PDZD2: variants seen among roughly 807,000 people sequenced by gnomAD.
PDZD2 encodes the protein PDZ domain containing 2.
Under a neutral mutation model 220.7 loss-of-function variants are expected in PDZD2, and 90 were observed. That is an observed-to-expected ratio of 0.41 (90% confidence interval 0.34 to 0.49). The LOEUF (loss-of-function observed/expected upper bound fraction) is 0.49, where lower values mean the gene tolerates loss of function less well. PDZD2 is among the 20% of genes least tolerant of loss of function. The pLI is 0.28. For synonymous variants in PDZD2, 1,375 were observed against 1,450.5 expected, an observed-to-expected ratio of 0.95 and a Z score of 1.18; for missense variants, 3,174 against 3,608.5, an observed-to-expected ratio of 0.88 and a Z score of 3.08.
chr5:32,040,670 C>T (rs1343221014), intron 7 of PDZD2, among the ~76,000 whole-genome samples: 2 of 144,544 alleles, frequency 1.4e-5, no homozygotes, highest in Non-Finnish European at 3.0e-5. Context: ...TGGCTGCCAC[C>T]CCATCTGGGA....
chr5:31,953,953 A>G (rs1018865688), intron 2 of PDZD2, among the ~76,000 whole-genome samples: 1 of 152,098 alleles, frequency 6.6e-6, no homozygotes, highest in African/African-American at 2.4e-5. Context: ...CTGGCTAAAA[A>G]AATTTGTTTT....
At position 31,975,793 on chromosome 5, in the gene PDZD2, C is replaced by CTTTTTTTTTTTT. The variant is rs879288343; in HGVS notation, c.477-7353_477-7352insTTTTTTTTTTTT. On this transcript the variant is annotated intron_variant, in intron 2 of 24. Coordinates refer to ENST00000438447, the MANE Select transcript of PDZD2 (RefSeq NM_178140.4). ...ATGAGCACACTGAAGGTATCAGTCA[C>CTTTTTTTTTTTT]TTTTTTTTTATTTATTTTTTTTTTT... is the stretch of plus-strand genomic sequence containing the variant. Among the ~76,000 whole-genome samples, 52 of 55,178 alleles carry CTTTTTTTTTTTT rather than the reference C, an allele frequency of 9.4e-4. 16 individuals carry two copies. The highest frequency in any genetic ancestry group is 2.8e-3 in the African/African-American group (33 of 11,802). 36.2% of individuals were successfully genotyped at this position (55,178 alleles called of 152,430 possible). A position where few individuals can be genotyped will look rare whatever the true frequency, so the allele number is the denominator to read the frequency against.
chr5:31,800,643 T>C (rs1381730485), intron 2 of PDZD2, among the ~76,000 whole-genome samples: 1 of 152,228 alleles, frequency 6.6e-6, no homozygotes, highest in Non-Finnish European at 1.5e-5. Flanking sequence ...CAGGAGCCAG[T>C]CCTTTCTTTG....
Position 31,703,392 on chromosome 5 carries a change from C to T in PDZD2, c.-361+63955C>T, listed in dbSNP as rs187169174. ...AACACAGGAACAGAAAACCAAACAC[C>T]GCATGTTCTCACTAATAAGTGGGAG... is the stretch of plus-strand genomic sequence containing the variant. On this transcript the variant is annotated intron_variant, in intron 1 of 24. Transcript: ENST00000438447. 1.4e-4 allele frequency among the ~76,000 whole-genome samples: 21 copies of T among 152,184 alleles called. No individual in the cohort carries two copies. In the East Asian group the frequency reaches 4.0e-3, roughly 29 times the overall value.
In PDZD2 at chr5:32,087,054, G is replaced by A. The variant is rs1052531166; in HGVS notation, c.3683-77G>A. 2.6e-6 allele frequency: 2 copies of A among 763,662 alleles called. No homozygotes were observed. Among genetic ancestry groups the A allele is most frequent in the Non-Finnish European group, 4.3e-6 (2 of 465,180 alleles). The allele number at this position is 763,662 out of a possible 1,614,324, so 47.3% of individuals were successfully genotyped here. On this transcript the variant is annotated intron_variant, in intron 19 of 24. Coordinates refer to ENST00000438447, the MANE Select transcript of PDZD2 (RefSeq NM_178140.4). This position sits in a 1 kb window ranked among gnomAD's most constrained non-coding sequence, Gnocchi z 4.0. The stretch of plus-strand genomic sequence containing the variant: ...TCTAGTTTTTAATAATTGAGGGGCT[G>A]CTTTCTTATATTATCCCTTTTATCT...
chr5:31,981,204 C>G (rs12516293), intron 2 of PDZD2, among the ~76,000 whole-genome samples: 45,155 of 151,988 alleles, frequency 0.3, 6,986 homozygotes, highest in Middle Eastern at 0.4. Context: ...TGGTTTCTAG[C>G]CTGGGATCAA....
chr5:31,895,215 T>C (rs1363677824), intron 2 of PDZD2, among the ~76,000 whole-genome samples: 1 of 152,198 alleles, frequency 6.6e-6, no homozygotes, highest in Non-Finnish European at 1.5e-5. Context: ...CCAAGTGCAA[T>C]GGACTGAATG....
chr5:31,989,586 C>A (rs1300810000), intron 3 of PDZD2, among the ~76,000 whole-genome samples: 1 of 152,002 alleles, frequency 6.6e-6, no homozygotes, highest in Admixed American at 6.6e-5. Flanking sequence ...CCATGTCCAG[C>A]TAATTTTTTG....
chr5:32,072,234 T>C lies in PDZD2; in HGVS notation c.2642T>C (p.Met881Thr), dbSNP rs1561504741. The change falls in exon 17 of 25, where the codon ATG (methionine) becomes ACG (threonine). Residue 881 changes from methionine to threonine, a missense_variant. Met to Thr is a moderately conservative substitution (Grantham distance 81, BLOSUM62 -1). Around this residue, in one of 4 missense-constraint regions of PDZD2, gnomAD observed 1,861 missense variants for 2,001.0 expected, o/e 0.93. Transcript: ENST00000438447. ...GTCCCTGGCCCCTTGTCAGACTTCA[T>C]GGTGGCCGGTTCTGAGGACGAGGAT... Reference protein sequence around the residue: ...HDVPGPLSDFMVAGSEDEDHP... With the variant: ...HDVPGPLSDFTVAGSEDEDHP... 3 of 1,614,036 alleles carry C rather than the reference T, an allele frequency of 1.9e-6. No homozygotes were observed. The highest frequency in any genetic ancestry group is 2.5e-6 in the Non-Finnish European group (3 of 1,179,874).
In PDZD2 at chr5:32,110,029, A is replaced by ATGCT. The variant is rs1363754867; in HGVS notation, c.*1897_*1900dup. The ATGCT allele has an allele frequency of 2.0e-5, 2 of 100,566 alleles. No homozygotes were observed. Among genetic ancestry groups the ATGCT allele is most frequent in the African/African-American group, 9.4e-5 (2 of 21,188 alleles). The allele number at this position is 100,566 out of a possible 1,614,324, so 6.2% of individuals were successfully genotyped here. ...ACTGTAGGAAGTCAGTGCAAGGTGC[A>ATGCT]TGCTTGATTGATAGATATTGATTGA... On this transcript the variant is annotated 3_prime_UTR_variant, in exon 25 of 25. Coordinates refer to ENST00000438447, the MANE Select transcript of PDZD2 (RefSeq NM_178140.4).
At chr5:32,016,068 C>T (rs1753760490) in intron 6 of PDZD2, among the ~76,000 whole-genome samples, 1 of 152,166 alleles carries the variant, frequency 6.6e-6, no homozygotes, top group South Asian at 2.1e-4. Context: ...GGACCTGTTT[C>T]TTACAAGGAA....
intron 2 of PDZD2, among the ~76,000 whole-genome samples, chr5:31,900,859 TGAG>T (rs1425196025): frequency 2.6e-5 from 4 of 152,102 alleles, no homozygotes; most frequent in Non-Finnish European, 4.4e-5. Flanking sequence ...GTGTGTGTGA[TGAG>T]GAGGAGGAAA....
At chr5:31,673,468 G>A (rs1746291081) in intron 1 of PDZD2, among the ~76,000 whole-genome samples, 1 of 152,188 alleles carries the variant, frequency 6.6e-6, no homozygotes, top group South Asian at 2.1e-4. Context: ...CCATAGGAAG[G>A]GTGTGTGTGC....
At chr5:32,002,985 AC>A (rs1752380625) in intron 5 of PDZD2, among the ~76,000 whole-genome samples, 1 of 134,696 alleles carries the variant, frequency 7.4e-6, no homozygotes, top group Admixed American at 7.5e-5. Flanking sequence ...CACACCACAC[AC>A]ACCCCACACA....
intron 7 of PDZD2, among the ~76,000 whole-genome samples, chr5:32,038,093 C>T (rs548725697): frequency 1.4e-5 from 2 of 148,050 alleles, no homozygotes; most frequent in East Asian, 2.0e-4. Context: ...CCGCCCGCCT[C>T]AGCTTCCCAA....
At chr5:31,865,703 G>A (rs564191067) in intron 2 of PDZD2, among the ~76,000 whole-genome samples, 5 of 126,412 alleles carry the variant, frequency 4.0e-5, no homozygotes, top group South Asian at 2.5e-4. Context: ...GCGCAATCTC[G>A]TCTCACTGCA....
chr5:31,995,901 C>T (rs1751588766), intron 4 of PDZD2, among the ~76,000 whole-genome samples, 183 bp downstream of exon 4: 1 of 152,148 alleles, frequency 6.6e-6, no homozygotes, highest in Admixed American at 6.5e-5. Context: ...CCTCTGAGCA[C>T]AGGAAGTGGC....
chr5:32,045,035 G>T lies in PDZD2; in HGVS notation c.1520-3504G>T, dbSNP rs137946760. Among the ~76,000 whole-genome samples the T allele has an allele frequency of 4.1e-3, 625 of 152,252 alleles. 8 individuals carry two copies. Among genetic ancestry groups the T allele is most frequent in the African/African-American group, 0.014 (568 of 41,544 alleles). ...TGTTTTCTTAAAATGAATCACTCTG[G>T]TATCCACATATCAGCATAGATGCTA... On this transcript the variant is annotated intron_variant, in intron 7 of 24. Transcript: ENST00000438447.
chr5:31,863,880 TA>T (rs1161962834), intron 2 of PDZD2, among the ~76,000 whole-genome samples: 1 of 152,138 alleles, frequency 6.6e-6, no homozygotes, highest in African/African-American at 2.4e-5. Context: ...AATAATTTTT[TA>T]AAAAAAGTCA....
Sources: gnomAD v4.1 joint callset for allele counts (sites outside exome capture counted in the v4.1 genomes callset) on GRCh38, gnomAD v4.1.1 for gene constraint, gnomAD v4.1.1 regional missense constraint, Gnocchi (gnomAD v3.1) non-coding constraint, MANE v1.5 for transcripts, NCBI Gene and HGNC (gene_info 2026-07-23, HGNC 2026-07-21) for gene names.